Variants in TSPAN5 observed in about 807,000 individuals in gnomAD.
TSPAN5 encodes the protein tetraspanin-5.
TSPAN5 carries 10 observed loss-of-function variants against 37.1 expected under a neutral mutation model. That is an observed-to-expected ratio of 0.27 (90% confidence interval 0.17 to 0.46). The LOEUF (loss-of-function observed/expected upper bound fraction) is 0.46. TSPAN5 is among the 20% of genes least tolerant of loss of function. TSPAN5 has a pLI of 1.00. For synonymous variants in TSPAN5, 110 were observed against 118.9 expected, an observed-to-expected ratio of 0.93 and a Z score of 0.48; for missense variants, 195 against 326.6, an observed-to-expected ratio of 0.60 and a Z score of 3.11.
chr4:98,587,955 A>G (rs541430683), intron 1 of TSPAN5, among the ~76,000 whole-genome samples: 1 of 152,246 alleles, frequency 6.6e-6, no homozygotes, highest in South Asian at 2.1e-4. Context: ...AACCTATCCA[A>G]GTTTTCAAAT....
intron 1 of TSPAN5, among the ~76,000 whole-genome samples, chr4:98,600,200 C>A (rs974231576): frequency 6.6e-6 from 1 of 152,072 alleles, no homozygotes; most frequent in African/African-American, 2.4e-5. Flanking sequence ...TTTAGCACAT[C>A]GTAATCTTTT....
chr4:98,476,101 C>G, intron 7 of TSPAN5, 88 bp downstream of exon 7: 1 of 972,372 alleles, frequency 1.0e-6, no homozygotes, highest in Admixed American at 2.0e-5. Context: ...CTATGACAAT[C>G]AAGGTTTTTA....
intron 5 of TSPAN5, among the ~76,000 whole-genome samples, chr4:98,476,931 C>A (rs1752715572): frequency 6.6e-6 from 1 of 152,208 alleles, no homozygotes; most frequent in South Asian, 2.1e-4. Context: ...CAAAACAATG[C>A]CCCGACCACA....
At chr4:98,488,078 C>G (rs1468734101) in intron 2 of TSPAN5, among the ~76,000 whole-genome samples, 2 of 152,188 alleles carry the variant, frequency 1.3e-5, no homozygotes, top group African/African-American at 4.8e-5. Context: ...CTCCCAATAA[C>G]CTGTAAGAAC....
At chr4:98,591,971 T>C (rs1204380332) in intron 1 of TSPAN5, among the ~76,000 whole-genome samples, 3 of 151,502 alleles carry the variant, frequency 2.0e-5, no homozygotes, top group Non-Finnish European at 4.4e-5. Context: ...TTTATTATAA[T>C]GCTACAGTAA....
intron 1 of TSPAN5, among the ~76,000 whole-genome samples, chr4:98,599,161 G>C (rs1755825972): frequency 6.6e-6 from 1 of 151,896 alleles, no homozygotes; most frequent in South Asian, 2.1e-4. Context: ...TGTTTTTAGA[G>C]ACAGGGTCTC....
intron 1 of TSPAN5, among the ~76,000 whole-genome samples, chr4:98,625,146 T>A (rs1756571309): frequency 6.6e-6 from 1 of 152,136 alleles, no homozygotes; most frequent in African/African-American, 2.4e-5. Flanking sequence ...TGGGCAGTAG[T>A]TATTTATGCC....
intron 1 of TSPAN5, among the ~76,000 whole-genome samples, chr4:98,652,052 G>T (rs1045161923): frequency 6.6e-6 from 1 of 151,504 alleles, no homozygotes; most frequent in African/African-American, 2.4e-5. Context: ...TAGAGATAGG[G>T]TCTCACTATG....
chr4:98,565,949 A>G (rs1364848964), intron 1 of TSPAN5, among the ~76,000 whole-genome samples: 1 of 152,238 alleles, frequency 6.6e-6, no homozygotes, highest in African/African-American at 2.4e-5. Context: ...ATTTAATACA[A>G]GCTTAGATAA....
At chr4:98,603,824 G>A (rs1478642982) in intron 1 of TSPAN5, among the ~76,000 whole-genome samples, 1 of 152,104 alleles carries the variant, frequency 6.6e-6, no homozygotes. Context: ...CTTACTCTCT[G>A]GCTACTTACT....
chr4:98,512,997 G>C (rs377464987), intron 1 of TSPAN5, among the ~76,000 whole-genome samples: 1 of 152,204 alleles, frequency 6.6e-6, no homozygotes, highest in East Asian at 1.9e-4. Context: ...TTGACCTGGA[G>C]GGGCATCTGA....
At chr4:98,546,759 A>C (rs956329372) in intron 1 of TSPAN5, among the ~76,000 whole-genome samples, 44 of 152,188 alleles carry the variant, frequency 2.9e-4, no homozygotes, top group African/African-American at 1.1e-3. Context: ...GAACTGACCC[A>C]TACTGCAATG....
At chr4:98,566,650 C>T (rs76145669) in intron 1 of TSPAN5, among the ~76,000 whole-genome samples, 3,934 of 152,266 alleles carry the variant, frequency 0.026, 75 homozygotes, top group Middle Eastern at 0.068. Flanking sequence ...TGTTTTCTCC[C>T]GCCTGATGTT....
chr4:98,630,874 G>T (rs768454391), intron 1 of TSPAN5, among the ~76,000 whole-genome samples: 1 of 152,140 alleles, frequency 6.6e-6, no homozygotes, highest in African/African-American at 2.4e-5. Context: ...CACAAATAGC[G>T]AATGAGAGTT....
chr4:98,495,118 C>G (rs1044830821), intron 2 of TSPAN5, among the ~76,000 whole-genome samples: 7 of 152,182 alleles, frequency 4.6e-5, no homozygotes, highest in African/African-American at 1.7e-4. Flanking sequence ...GACTGGCACA[C>G]TGGTTGTCAG....
intron 1 of TSPAN5, among the ~76,000 whole-genome samples, chr4:98,574,158 T>A (rs1755183914): frequency 6.6e-6 from 1 of 152,178 alleles, no homozygotes; most frequent in South Asian, 2.1e-4. Flanking sequence ...TCCTGACTCA[T>A]TAATCCTCAA....
At chr4:98,485,368 T>C (rs1752937375) in intron 3 of TSPAN5, 1 of 151,990 alleles carries the variant, frequency 6.6e-6, no homozygotes. Context: ...TGTGTGTGTA[T>C]GAGAGAGGGA....
At chr4:98,512,167 C>T (rs1195203299) in intron 1 of TSPAN5, among the ~76,000 whole-genome samples, 8 of 151,954 alleles carry the variant, frequency 5.3e-5, no homozygotes, top group South Asian at 4.1e-4. Flanking sequence ...GAGCTGAGAT[C>T]GCGCCACTGC....
intron 1 of TSPAN5, among the ~76,000 whole-genome samples, chr4:98,598,880 A>C (rs1408074679): frequency 6.6e-6 from 1 of 152,358 alleles, no homozygotes; most frequent in Admixed American, 6.5e-5. Flanking sequence ...TAAAAGACTC[A>C]GGAGAAGAGG....
Sources: gnomAD v4.1 joint callset for allele counts (sites outside exome capture counted in the v4.1 genomes callset) on GRCh38, gnomAD v4.1.1 for gene constraint, MANE v1.5 for transcripts, NCBI Gene and HGNC (gene_info 2026-07-23, HGNC 2026-07-21) for gene names.